The following TBC1D12 variants were observed in gnomAD, a reference collection of about 807,000 sequenced individuals.
The protein encoded by TBC1D12 is TBC1 domain family member 12.
In TBC1D12, 56 loss-of-function variants were observed where a neutral mutation model predicts 86.7. That is an observed-to-expected ratio of 0.65 (90% CI 0.52 to 0.81). The LOEUF (loss-of-function observed/expected upper bound fraction) is 0.81. Among genes scored for constraint, TBC1D12 ranks in the 30% least tolerant of loss-of-function variants. The pLI is 0.00. For synonymous variants in TBC1D12, 421 were observed against 411.7 expected, an observed-to-expected ratio of 1.02 and a Z score of -0.27; for missense variants, 1,023 against 1,038.8, an observed-to-expected ratio of 0.98 and a Z score of 0.21.
intron 2 of TBC1D12, among the ~76,000 whole-genome samples, chr10:94,450,801 G>GTA (rs1446925102): frequency 6.6e-6 from 1 of 151,890 alleles, no homozygotes; most frequent in Non-Finnish European, 1.5e-5. Context: ...AGAAAATATG[G>GTA]TATATATACA....
At chr10:94,500,420 G>GTCACT in intron 6 of TBC1D12, 93 bp downstream of exon 6, 1 of 999,370 alleles carries the variant, frequency 1.0e-6, no homozygotes, top group Non-Finnish European at 1.4e-6. Flanking sequence ...AAAATAAATG[G>GTCACT]CCTTTATCAT....
intron 3 of TBC1D12, among the ~76,000 whole-genome samples, chr10:94,485,657 G>A (rs975013938): frequency 2.7e-5 from 4 of 150,884 alleles, no homozygotes; most frequent in Non-Finnish European, 5.9e-5. Flanking sequence ...AGTAATTTGA[G>A]TAGGATTGTT....
At chr10:94,454,596 C>G (rs1476071151) in intron 2 of TBC1D12, among the ~76,000 whole-genome samples, 2 of 152,200 alleles carry the variant, frequency 1.3e-5, no homozygotes, top group Non-Finnish European at 2.9e-5. Flanking sequence ...TACTTTTCCT[C>G]ATACGGATCT....
chr10:94,458,725 A>C (rs2055669158), intron 2 of TBC1D12, among the ~76,000 whole-genome samples: 1 of 152,118 alleles, frequency 6.6e-6, no homozygotes, highest in African/African-American at 2.4e-5. Flanking sequence ...GTAGACCTTC[A>C]TGGTGAGTGT....
intron 12 of TBC1D12, among the ~76,000 whole-genome samples, chr10:94,531,862 A>ATGTTATTTTATTTTATGTTATGT (rs760350753): frequency 1.2e-5 from 1 of 83,282 alleles, no homozygotes. Flanking sequence ...ATTTTATTTT[A>ATGTTATTTTATTTTATGTTATGT]TATGTTATGT....
intron 1 of TBC1D12, 93 bp downstream of exon 1, chr10:94,403,677 A>AGCCGGG (rs1373837490): frequency 7.2e-7 from 1 of 1,381,570 alleles, no homozygotes; most frequent in Non-Finnish European, 9.3e-7. Flanking sequence ...CCGGAGCCGG[A>AGCCGGG]GCGGAGAGCT....
chr10:94,511,127 T>G (rs995221057), intron 8 of TBC1D12, among the ~76,000 whole-genome samples: 1 of 131,352 alleles, frequency 7.6e-6, no homozygotes, highest in Non-Finnish European at 1.6e-5. Context: ...TGAGAGATTC[T>G]CACTCTGTTG....
chr10:94,458,390 TCTGTAA>T (rs1320368902), intron 2 of TBC1D12, among the ~76,000 whole-genome samples: 4 of 152,284 alleles, frequency 2.6e-5, no homozygotes, highest in East Asian at 3.9e-4. Flanking sequence ...CCTCTCATCC[TCTGTAA>T]CTGTAAGAAA....
intron 1 of TBC1D12, among the ~76,000 whole-genome samples, chr10:94,415,020 C>T (rs2134054547): frequency 6.6e-6 from 1 of 152,204 alleles, no homozygotes; most frequent in South Asian, 2.1e-4. Flanking sequence ...TACAGTTGTA[C>T]ACACTGTATT....
At chr10:94,482,352 G>T (rs2056089217) in intron 3 of TBC1D12, among the ~76,000 whole-genome samples, 1 of 151,966 alleles carries the variant, frequency 6.6e-6, no homozygotes, top group African/African-American at 2.4e-5. Context: ...ACATGATCTT[G>T]TTCTTTTTTA....
At chr10:94,413,418 A>G (rs977767546) in intron 1 of TBC1D12, among the ~76,000 whole-genome samples, 1 of 152,184 alleles carries the variant, frequency 6.6e-6, no homozygotes, top group Admixed American at 6.5e-5. Flanking sequence ...TAGCCTATGA[A>G]AAAAGTGTTA....
chr10:94,495,698 A>AGGGCTTTGAAGCTTCTCTTTC (rs2134180552), intron 4 of TBC1D12, among the ~76,000 whole-genome samples: 1 of 151,888 alleles, frequency 6.6e-6, no homozygotes, highest in African/African-American at 2.4e-5. Flanking sequence ...CAGCTTAATC[A>AGGGCTTTGAAGCTTCTCTTTC]GGGCTTTGAA....
At chr10:94,467,089 A>G (rs577938258) in intron 2 of TBC1D12, among the ~76,000 whole-genome samples, 130 of 152,338 alleles carry the variant, frequency 8.5e-4, no homozygotes, top group Non-Finnish European at 1.6e-3. Flanking sequence ...AATTTTTAGA[A>G]AATGACTGCC....
At chr10:94,417,936 A>G (rs1016802970) in intron 1 of TBC1D12, among the ~76,000 whole-genome samples, 2 of 151,564 alleles carry the variant, frequency 1.3e-5, no homozygotes, top group Non-Finnish European at 2.9e-5. Context: ...TTGAGTTTTT[A>G]GTAGAGGTGG....
At chr10:94,468,223 T>G (rs2055852879) in intron 2 of TBC1D12, among the ~76,000 whole-genome samples, 1 of 152,222 alleles carries the variant, frequency 6.6e-6, no homozygotes, top group African/African-American at 2.4e-5. Flanking sequence ...CCAAATATTC[T>G]CTAACTTTAA....
At chr10:94,501,093 AATG>A (rs1319609173) in intron 6 of TBC1D12, among the ~76,000 whole-genome samples, 6 of 143,340 alleles carry the variant, frequency 4.2e-5, no homozygotes, top group South Asian at 4.6e-4. Context: ...TGAATGAATG[AATG>A]AATAAATAAA....
intron 9 of TBC1D12, among the ~76,000 whole-genome samples, chr10:94,520,600 T>A (rs1227855852): frequency 6.6e-6 from 1 of 151,710 alleles, no homozygotes; most frequent in African/African-American, 2.4e-5. Context: ...ATAGAGATAG[T>A]GATTGTAGGC....
intron 1 of TBC1D12, among the ~76,000 whole-genome samples, chr10:94,421,320 G>A (rs1340857890): frequency 1.3e-5 from 2 of 152,124 alleles, no homozygotes; most frequent in Non-Finnish European, 2.9e-5. Context: ...TTAACATAAT[G>A]TTCTCTCTGT....
chr10:94,431,183 G>A (rs1345033548), intron 1 of TBC1D12, among the ~76,000 whole-genome samples: 2 of 152,126 alleles, frequency 1.3e-5, no homozygotes, highest in Non-Finnish European at 2.9e-5. Flanking sequence ...GGGATGCCGA[G>A]GTGGTTGGAT....
Sources: allele counts gnomAD v4.1 joint callset (sites outside exome capture counted in the v4.1 genomes callset), GRCh38; gene constraint gnomAD v4.1.1; transcripts MANE v1.5; gene names NCBI Gene and HGNC (gene_info 2026-07-23, HGNC 2026-07-21).